SLC22A23: variants seen among roughly 807,000 people sequenced by gnomAD.
SLC22A23 encodes the protein ion transporter protein.
Under a neutral mutation model 61.0 loss-of-function variants are expected in SLC22A23, and 26 were observed. The observed-to-expected ratio is 0.43, with a 90% CI of 0.31 to 0.59. The LOEUF (loss-of-function observed/expected upper bound fraction) is 0.59, where lower values mean the gene tolerates loss of function less well. Among genes scored for constraint, SLC22A23 ranks in the 20% least tolerant of loss-of-function variants. SLC22A23 has a pLI of 0.11. For missense variants in SLC22A23, 796 were observed against 934.7 expected (o/e 0.85, Z 1.94); for synonymous variants, 430 against 413.9 (o/e 1.04, Z -0.47).
chr6:3,375,222 T>C (rs1021982465), intron 3 of SLC22A23, among the ~76,000 whole-genome samples: 1 of 152,204 alleles, frequency 6.6e-6, no homozygotes, highest in Non-Finnish European at 1.5e-5. Context: ...AATGAACCAG[T>C]TGATAGTTGG....
At chr6:3,422,666 C>T (rs892356715) in intron 1 of SLC22A23, among the ~76,000 whole-genome samples, 5 of 152,146 alleles carry the variant, frequency 3.3e-5, no homozygotes, top group Non-Finnish European at 7.3e-5. Flanking sequence ...GTGCAAGCTT[C>T]CTTGAATGAC....
rs552613080 is a variant in SLC22A23, at chr6:3,333,860, G to A, written c.914-9858C>T. Among the ~76,000 whole-genome samples, 29 of 152,336 alleles carry A rather than the reference G, an allele frequency of 1.9e-4. No individual in the cohort carries two copies. Among genetic ancestry groups the A allele is most frequent in the Non-Finnish European group, 1.9e-4 (13 of 68,042 alleles). On this transcript the variant is annotated intron_variant, in intron 3 of 9. Coordinates refer to ENST00000406686, the MANE Select transcript of SLC22A23 (RefSeq NM_015482.2). This position sits in a 1 kb window ranked among gnomAD's most constrained non-coding sequence, Gnocchi z 4.1. ...ACAGCAATCTGTGTCAACAAGCTGT[G>A]CAGTAATTCTGATGCTGGCTCCAGC...
chr6:3,431,114 T>C (rs1581878125), intron 1 of SLC22A23, among the ~76,000 whole-genome samples: 1 of 146,896 alleles, frequency 6.8e-6, no homozygotes, highest in Non-Finnish European at 1.5e-5. Flanking sequence ...ACACAGCATG[T>C]GTGAGGGTTT....
intron 3 of SLC22A23, among the ~76,000 whole-genome samples, chr6:3,392,696 A>T (rs1438087907): frequency 6.6e-6 from 1 of 151,858 alleles, no homozygotes; most frequent in Admixed American, 6.6e-5. Context: ...AGAAAGGGTG[A>T]CTCTTACCCA....
rs77586474 is a variant in SLC22A23 at position 3,362,654 on chromosome 6, C to A, written c.914-38652G>T. ...ATGGAACTCTGGGGCCAGGCAGAACCCCCAAGATGCCATCTACAAATCTGG... is the reference window on the plus strand; with the variant it reads ...ATGGAACTCTGGGGCCAGGCAGAACACCCAAGATGCCATCTACAAATCTGG... On this transcript the variant is annotated intron_variant, in intron 3 of 9. Transcript: ENST00000406686. Among the ~76,000 whole-genome samples, 1,126 of 152,066 alleles carry A rather than the reference C, an allele frequency of 7.4e-3. 17 individuals are homozygous for A. Among genetic ancestry groups the A allele is most frequent in the African/African-American group, 0.02 (846 of 41,480 alleles).
chr6:3,412,686 A>G (rs1769352444), intron 2 of SLC22A23, among the ~76,000 whole-genome samples: 1 of 152,206 alleles, frequency 6.6e-6, no homozygotes, highest in Non-Finnish European at 1.5e-5. Context: ...GGCAAAAGGA[A>G]TTCTGAAGAT....
intron 1 of SLC22A23, among the ~76,000 whole-genome samples, chr6:3,426,622 T>G (rs1418379886): frequency 6.6e-6 from 1 of 152,242 alleles, no homozygotes; most frequent in Non-Finnish European, 1.5e-5. Context: ...GTTTCAACAC[T>G]GGTGTAACCA....
At chr6:3,281,284 A>G (rs1029339763) in intron 9 of SLC22A23, among the ~76,000 whole-genome samples, 1 of 152,232 alleles carries the variant, frequency 6.6e-6, no homozygotes, top group Admixed American at 6.5e-5. Flanking sequence ...GGCTGATGAG[A>G]ACCACCACCT....
intron 5 of SLC22A23, chr6:3,290,273 T>G: frequency 3.4e-6 from 1 of 295,506 alleles, no homozygotes; most frequent in Middle Eastern, 1.3e-3. Flanking sequence ...GCAGTTCTTT[T>G]CCGTACACTC....
rs138967093 is a variant in SLC22A23, at chr6:3,307,555, G to T, written c.1083-9337C>A. 5.9e-5 allele frequency among the ~76,000 whole-genome samples: 9 copies of T among 152,360 alleles called. No individual in the cohort carries two copies. In the South Asian group the frequency reaches 1.9e-3, roughly 32 times the overall value. ...GAGCCCTGCGGATGTTCCACTGCAG[G>T]ATAGTCATATGCTGGACGGCAGACT... On this transcript the variant is annotated intron_variant, in intron 4 of 9. Transcript: ENST00000406686.
chr6:3,434,306 C>T (rs111484662), intron 1 of SLC22A23, among the ~76,000 whole-genome samples: 1 of 151,560 alleles, frequency 6.6e-6, no homozygotes, highest in Non-Finnish European at 1.5e-5. Flanking sequence ...GAGCGAAACT[C>T]TGTAAATAAA....
rs564689375 is a variant in SLC22A23, at chr6:3,386,417, A to T, written c.913+23771T>A. Among the ~76,000 whole-genome samples the T allele has an allele frequency of 6.6e-6, 1 of 152,232 alleles. No homozygotes were observed. The highest frequency in any genetic ancestry group is 1.9e-4 in the East Asian group (1 of 5,170). On this transcript the variant is annotated intron_variant, in intron 3 of 9. Coordinates refer to ENST00000406686, the MANE Select transcript of SLC22A23 (RefSeq NM_015482.2). The surrounding 1 kb of genome is among the most constrained non-coding windows in gnomAD (Gnocchi z 4.4). The stretch of plus-strand genomic sequence containing the variant: ...GCACAACCAGCCCTGGGGTCCCTGG[A>T]TGTGGCACCAGGAGTTGGTGCTTCT...
intron 3 of SLC22A23, among the ~76,000 whole-genome samples, chr6:3,371,689 C>T (rs1019581951): frequency 2.6e-5 from 4 of 152,062 alleles, no homozygotes; most frequent in Non-Finnish European, 4.4e-5. Flanking sequence ...CAGAAAACAC[C>T]AAATGAATGT....
In SLC22A23 at chr6:3,304,951, G is replaced by A. The variant is rs1182579185; in HGVS notation, c.1083-6733C>T. Among the ~76,000 whole-genome samples the A allele has an allele frequency of 2.0e-5, 3 of 152,118 alleles. No individual in the cohort carries two copies. The highest frequency in any genetic ancestry group is 4.8e-5 in the African/African-American group (2 of 41,412). ...TGAGTGTTATGGGCTCTGATGAGCA[G>A]CAGCCACGGGACTGGAGTGAACTGA... On this transcript the variant is annotated intron_variant, in intron 4 of 9. Transcript: ENST00000406686. The surrounding 1 kb of genome is among the most constrained non-coding windows in gnomAD (Gnocchi z 4.3).
intron 1 of SLC22A23, among the ~76,000 whole-genome samples, chr6:3,437,540 T>A (rs1038031096): frequency 3.3e-5 from 5 of 150,462 alleles, no homozygotes; most frequent in African/African-American, 1.2e-4. Context: ...TAAAAAAAAA[T>A]TAGTCAGGTG....
chr6:3,368,092 T>C (rs1765953790), intron 3 of SLC22A23, among the ~76,000 whole-genome samples: 1 of 152,194 alleles, frequency 6.6e-6, no homozygotes, highest in East Asian at 1.9e-4. Flanking sequence ...TCACAACCAC[T>C]CACTTCCCAC....
chr6:3,399,710 A>G (rs1768250973), intron 3 of SLC22A23, among the ~76,000 whole-genome samples: 1 of 152,114 alleles, frequency 6.6e-6, no homozygotes, highest in Admixed American at 6.5e-5. Flanking sequence ...CCACTATTCT[A>G]TTTCTTCAGT....
At chr6:3,280,512 T>TTTTTAC in intron 9 of SLC22A23, among the ~76,000 whole-genome samples, 1 of 98,330 alleles carries the variant, frequency 1.0e-5, no homozygotes, top group Admixed American at 1.4e-4. Context: ...TTTTTTTTTT[T>TTTTTAC]TGAGATGGAG....
At chr6:3,282,035 A>C (rs1759516478) in intron 9 of SLC22A23, among the ~76,000 whole-genome samples, 1 of 152,236 alleles carries the variant, frequency 6.6e-6, no homozygotes, top group Non-Finnish European at 1.5e-5. Flanking sequence ...CTAACAGAGA[A>C]TAATGATGCC....
Sources: allele counts gnomAD v4.1 joint callset (sites outside exome capture counted in the v4.1 genomes callset), GRCh38; gene constraint gnomAD v4.1.1; non-coding constraint Gnocchi (gnomAD v3.1); transcripts MANE v1.5; gene names NCBI Gene and HGNC (gene_info 2026-07-23, HGNC 2026-07-21).